COL27A1: variants seen among roughly 807,000 people sequenced by gnomAD.
The protein encoded by COL27A1 is collagen alpha-1(XXVII) chain.
Under a neutral mutation model 251.3 loss-of-function variants are expected in COL27A1, and 106 were observed. The ratio of observed to expected loss-of-function variants is 0.42; its 90% CI spans 0.36 to 0.50. COL27A1 has a LOEUF of 0.50. Among genes scored for constraint, COL27A1 ranks in the 20% least tolerant of loss-of-function variants. The pLI, the probability that COL27A1 is intolerant of heterozygous loss-of-function variation, is 0.00. For missense variants in COL27A1, 2,325 were observed against 2,522.8 expected, an observed-to-expected ratio of 0.92 and a Z score of 1.68; for synonymous variants, 1,000 against 986.3, an observed-to-expected ratio of 1.01 and a Z score of -0.26.
At chr9:114,215,307 G>T (rs1380677955) in intron 12 of COL27A1, among the ~76,000 whole-genome samples, 2 of 152,246 alleles carry the variant, frequency 1.3e-5, no homozygotes, top group African/African-American at 4.8e-5. Context: ...AAGTAACAGA[G>T]AATTCCTATT....
chr9:114,194,528 G>T, intron 6 of COL27A1, 71 bp downstream of exon 6: 1 of 1,358,660 alleles, frequency 7.4e-7, no homozygotes, highest in Non-Finnish European at 1.0e-6. Flanking sequence ...ACACTTTAAA[G>T]CTAGCTGTCC....
At chr9:114,296,104 CT>C (rs145908683) in intron 49 of COL27A1, among the ~76,000 whole-genome samples, 7,550 of 152,282 alleles carry the variant, frequency 0.05, 231 homozygotes, top group Non-Finnish European at 0.073. Flanking sequence ...AATTAAAACA[CT>C]TCTAGAACAT....
chr9:114,160,537 G>T (rs911881836), intron 1 of COL27A1, among the ~76,000 whole-genome samples: 18 of 151,994 alleles, frequency 1.2e-4, no homozygotes, highest in African/African-American at 4.3e-4. Flanking sequence ...CTGTGTGCCT[G>T]CCAGGGGCTG....
intron 27 of COL27A1, among the ~76,000 whole-genome samples, chr9:114,256,166 G>A (rs1424741280): frequency 6.6e-6 from 1 of 152,208 alleles, no homozygotes; most frequent in Admixed American, 6.5e-5. Flanking sequence ...TCACCTCCAT[G>A]TTGTCCGATA....
At position 114,311,833 on chromosome 9, in the gene COL27A1, A is replaced by C. The variant is rs113907809; in HGVS notation, c.*1138A>C. On this transcript the variant is annotated 3_prime_UTR_variant, in exon 61 of 61. Coordinates refer to ENST00000356083, the MANE Select transcript of COL27A1 (RefSeq NM_032888.4). Reference sequence around the variant, plus strand: ...TCAGGGCTAGGCTTAGAGGTGAAGCATCAACATGGAACCATCTCAGGAAGC... The same window carrying C: ...TCAGGGCTAGGCTTAGAGGTGAAGCCTCAACATGGAACCATCTCAGGAAGC... 6.6e-6 allele frequency: 1 copy of C among 152,246 alleles called. No individual in the cohort carries two copies. The highest frequency in any genetic ancestry group is 6.5e-5 in the Admixed American group (1 of 15,292). The allele number at this position is 152,246 out of a possible 1,614,324, so 9.4% of individuals were successfully genotyped here. A position where few individuals can be genotyped will look rare whatever the true frequency, so the allele number is the denominator to read the frequency against.
rs1048467 is a variant in COL27A1, at chr9:114,246,625, G to A, written c.2979+715G>A. On this transcript the variant is annotated intron_variant, in intron 24 of 60. Coordinates refer to ENST00000356083, the MANE Select transcript of COL27A1 (RefSeq NM_032888.4). ...TTCCTGGAAGGGGCTTCCTCAATCC[G>A]GAAGGACTGATGCTGGGGATGGCCA... 1.4e-3 allele frequency among the ~76,000 whole-genome samples: 208 copies of A among 152,270 alleles called. 1 individual carries two copies. The highest frequency in any genetic ancestry group is 3.4e-3 in the Middle Eastern group (1 of 294).
chr9:114,288,382 C>A (rs1175915240), intron 41 of COL27A1, 73 bp from the exon 42 acceptor site: 1 of 1,482,804 alleles, frequency 6.7e-7, no homozygotes. Context: ...TCTGACGAAG[C>A]GCTTTCCGTC....
At chr9:114,175,203 G>C (rs1026329268) in intron 3 of COL27A1, among the ~76,000 whole-genome samples, 1 of 152,160 alleles carries the variant, frequency 6.6e-6, no homozygotes, top group Non-Finnish European at 1.5e-5. Flanking sequence ...TGGAGCCCAG[G>C]CCTCCTCCAC....
At chr9:114,252,110 G>C (rs1295595795) in intron 25 of COL27A1, among the ~76,000 whole-genome samples, 1 of 152,216 alleles carries the variant, frequency 6.6e-6, no homozygotes, top group Non-Finnish European at 1.5e-5. Context: ...ACTCTGCCCA[G>C]TGTGTCTGGA....
At chr9:114,253,783 T>C (rs1320512916) in intron 27 of COL27A1, among the ~76,000 whole-genome samples, 2 of 152,214 alleles carry the variant, frequency 1.3e-5, no homozygotes, top group Non-Finnish European at 2.9e-5. Flanking sequence ...TACAGAATGG[T>C]GTTTGTTCCC....
chr9:114,306,643 C>G lies in COL27A1; in HGVS notation c.5062C>G (p.Arg1688Gly). Reference sequence around the variant, plus strand: ...CCTGGGCACCAAAGAGAACCCCGCCCGGGTCTGCAGGGACCTCATGGACTG... The same window carrying G: ...CCTGGGCACCAAAGAGAACCCCGCCGGGGTCTGCAGGGACCTCATGGACTG... ...TPLGTKENPA[R>G]VCRDLMDCEQ... Residue 1688 changes from arginine to glycine, a missense_variant, in exon 58 of 61, where the codon CGG becomes GGG. By Grantham distance (125) the Arg-to-Gly change is moderately radical. Coordinates refer to ENST00000356083, the MANE Select transcript of COL27A1 (RefSeq NM_032888.4). 1 of 1,614,132 alleles carries G rather than the reference C, an allele frequency of 6.2e-7. No individual in the cohort carries two copies. Among genetic ancestry groups the G allele is most frequent in the Non-Finnish European group, 8.5e-7 (1 of 1,180,028 alleles).
rs1834752751 is a variant in COL27A1 at position 114,266,500 on chromosome 9, TC to T, written c.3394-63del. 85 of 1,440,440 alleles carry T rather than the reference TC, an allele frequency of 5.9e-5. 2 individuals are homozygous for T. The South Asian group carries it at 9.9e-4, about 17-fold the overall frequency. The allele number at this position is 1,440,440 out of a possible 1,614,324, so 89.2% of individuals were successfully genotyped here. On this transcript the variant is annotated intron_variant, in intron 32 of 60. Coordinates refer to ENST00000356083, the MANE Select transcript of COL27A1 (RefSeq NM_032888.4). ...GGGGGTCAGCTCCCTCATTCACCCC[TC>T]CAGATCCCAAAGAGGGCCCAGGCTG...
In COL27A1 at chr9:114,312,256, CT is replaced by C. The variant is rs1225893196; in HGVS notation, c.*1563del. 6.6e-6 allele frequency: 1 copy of C among 152,184 alleles called. No homozygotes were observed. Among genetic ancestry groups the C allele is most frequent in the Non-Finnish European group, 1.5e-5 (1 of 68,042 alleles). 9.4% of individuals were successfully genotyped at this position (152,184 alleles called of 1,614,324 possible). ...CTTTGGCCCGTCCCCCCTCCCAACA[CT>C]TCTGTATCCTCGCCCTGCCGCCCCA... is the stretch of plus-strand genomic sequence containing the variant. On this transcript the variant is annotated 3_prime_UTR_variant, in exon 61 of 61. Transcript: ENST00000356083.
chr9:114,290,841 C>T lies in COL27A1; in HGVS notation c.4400C>T (p.Pro1467Leu), dbSNP rs1378501817. Residue 1467 changes from proline (P) to leucine (L), a missense_variant, in exon 48 of 61, where the codon CCC becomes CTC. By Grantham distance (98) the Pro-to-Leu change is moderately conservative. This residue lies in a region of COL27A1 where 153 missense variants were observed against 140.7 expected (regional missense o/e 1.09). Transcript: ENST00000356083. The surrounding 1 kb of genome is among the most constrained non-coding windows in gnomAD (Gnocchi z 4.6). ...CAGGGAGACGATGGGGACCCTGGCC[C>T]CATGGGCCCTGCTGGGAAGAGAGGA... ...GEQGDDGDPGPMGPAGKRGNP... is the reference protein window; with the variant it reads ...GEQGDDGDPGLMGPAGKRGNP... 1.3e-6 allele frequency: 2 copies of T among 1,551,600 alleles called. No individual in the cohort carries two copies. Among genetic ancestry groups the T allele is most frequent in the East Asian group, 2.4e-5 (1 of 41,048 alleles).
chr9:114,163,032 G>A (rs922731548), intron 2 of COL27A1, among the ~76,000 whole-genome samples: 37 of 152,008 alleles, frequency 2.4e-4, no homozygotes, highest in African/African-American at 8.0e-4. Flanking sequence ...TCAGGAGATC[G>A]AGACCATCCT....
chr9:114,159,293 G>A (rs1848334064), intron 1 of COL27A1, among the ~76,000 whole-genome samples: 1 of 152,214 alleles, frequency 6.6e-6, no homozygotes, highest in Non-Finnish European at 1.5e-5. Context: ...TCTCTGCAGA[G>A]TAGTCATTTT....
intron 56 of COL27A1, among the ~76,000 whole-genome samples, chr9:114,302,448 C>T (rs1013477489): frequency 2.0e-5 from 3 of 152,074 alleles, no homozygotes; most frequent in Admixed American, 6.5e-5. Flanking sequence ...GAGTTGGGGC[C>T]GGGCGCAGTG....
rs557918207 is a variant in COL27A1 at position 114,213,708 on chromosome 9, C to T, written c.2367+2682C>T. 2.0e-5 allele frequency among the ~76,000 whole-genome samples: 3 copies of T among 152,318 alleles called. No homozygotes were observed. The East Asian group carries it at 5.8e-4, about 29-fold the overall frequency. On this transcript the variant is annotated intron_variant, in intron 12 of 60. Coordinates refer to ENST00000356083, the MANE Select transcript of COL27A1 (RefSeq NM_032888.4). ...CTCGGTGTGCATAGTATTTGAACCA[C>T]ATGCGATTCTCCCAGTGAACCTTTA...
At chr9:114,246,869 G>GA (rs747281146) in intron 24 of COL27A1, among the ~76,000 whole-genome samples, 2,505 of 137,882 alleles carry the variant, frequency 0.018, 62 homozygotes, top group African/African-American at 0.057. Flanking sequence ...TTCCTGATTG[G>GA]AAAAAAAAAA....
Sources: gnomAD v4.1 joint callset for allele counts (sites outside exome capture counted in the v4.1 genomes callset) on GRCh38, gnomAD v4.1.1 for gene constraint, gnomAD v4.1.1 regional missense constraint, Gnocchi (gnomAD v3.1) non-coding constraint, MANE v1.5 for transcripts, NCBI Gene and HGNC (gene_info 2026-07-23, HGNC 2026-07-21) for gene names.